Variants in RAP1B observed in about 807,000 individuals in gnomAD.
RAP1B encodes RAP1B, member of RAS oncogene family, also known as ras-related protein Rap-1b.
A neutral mutation model predicts 27.5 loss-of-function variants in RAP1B; 1 was observed. The observed-to-expected ratio is 0.04, with a 90% CI of 0.01 to 0.17. The LOEUF (loss-of-function observed/expected upper bound fraction) is 0.17. RAP1B is among the 10% of genes least tolerant of loss of function. The pLI, the probability that RAP1B is intolerant of heterozygous loss-of-function variation, is 1.00. For missense variants in RAP1B, 84 were observed against 214.8 expected (o/e 0.39, Z 3.81); for synonymous variants, 75 against 73.1 (o/e 1.03, Z -0.13).
chr12:68,648,854 G>A, intron 2 of RAP1B, 73 bp downstream of exon 2: 6 of 1,355,462 alleles, frequency 4.4e-6, no homozygotes, highest in Non-Finnish European at 6.1e-6. Flanking sequence ...AGGTTTTGAT[G>A]ATTTGTCTTT....
In RAP1B at chr12:68,662,244, A is replaced by C. The variant is rs1874641082; in HGVS notation, c.*2995A>C. 6.6e-6 allele frequency: 1 copy of C among 151,806 alleles called. No homozygotes were observed. Among genetic ancestry groups the C allele is most frequent in the Non-Finnish European group, 1.5e-5 (1 of 67,954 alleles). The allele number at this position is 151,806 out of a possible 1,614,324, so 9.4% of individuals were successfully genotyped here. ...GACTTTTCTGGTGCTTAATGGGAAAATACTAAAATAATTGAGTCAGAAAAG... is the reference window on the plus strand; with the variant it reads ...GACTTTTCTGGTGCTTAATGGGAAACTACTAAAATAATTGAGTCAGAAAAG... On this transcript the variant is annotated 3_prime_UTR_variant, in exon 8 of 8. Coordinates refer to ENST00000250559, the MANE Select transcript of RAP1B (RefSeq NM_001010942.3).
intron 1 of RAP1B, among the ~76,000 whole-genome samples, chr12:68,639,622 T>C (rs1010586722): frequency 2.0e-5 from 3 of 152,194 alleles, no homozygotes; most frequent in African/African-American, 7.2e-5. Flanking sequence ...GCTACACAGC[T>C]GAGGAAAAGA....
chr12:68,630,642 T>C (rs951679914), intron 1 of RAP1B, among the ~76,000 whole-genome samples: 1 of 152,040 alleles, frequency 6.6e-6, no homozygotes, highest in African/African-American at 2.4e-5. Context: ...GTTTTGGGGC[T>C]TTTTGCTTTT....
intron 1 of RAP1B, among the ~76,000 whole-genome samples, chr12:68,612,201 A>G (rs1870653683): frequency 6.6e-6 from 1 of 152,230 alleles, no homozygotes; most frequent in Non-Finnish European, 1.5e-5. Flanking sequence ...CATCTCATAT[A>G]TGTCGAGTAC....
At chr12:68,640,077 G>C (rs1481912874) in intron 1 of RAP1B, among the ~76,000 whole-genome samples, 1 of 152,016 alleles carries the variant, frequency 6.6e-6, no homozygotes, top group Non-Finnish European at 1.5e-5. Flanking sequence ...CTGACCTCGT[G>C]ATCCACCCAC....
rs376338570 is a variant in RAP1B, at chr12:68,657,121, G to T, written c.489G>T (p.Arg163=). Residue 163 remains arginine (R), a synonymous_variant, in exon 7 of 8, where the codon CGG becomes CGT. Transcript: ENST00000250559. ...NVNEIFYDLV[R]QINRKTPVPG... is the part of the protein sequence containing the mutation. ...TGCAGATCTTTTATGACCTAGTGCG[G>T]CAAATTAACAGAAAAACTCCAGTGC... The T allele has an allele frequency of 3.1e-6, 5 of 1,613,318 alleles. No individual in the cohort carries two copies. The African/African-American group carries it at 5.3e-5, about 17-fold the overall frequency.
chr12:68,620,036 T>C (rs1449660910), intron 1 of RAP1B, among the ~76,000 whole-genome samples: 2 of 152,238 alleles, frequency 1.3e-5, no homozygotes, highest in East Asian at 3.9e-4. Flanking sequence ...AACTTTTCCA[T>C]AGTAAAGCTG....
At chr12:68,636,295 A>G (rs542554156) in intron 1 of RAP1B, among the ~76,000 whole-genome samples, 3 of 151,794 alleles carry the variant, frequency 2.0e-5, no homozygotes, top group Non-Finnish European at 4.4e-5. Context: ...AATGAGATTT[A>G]AGAAAGAAAT....
intron 1 of RAP1B, among the ~76,000 whole-genome samples, chr12:68,643,467 CT>C (rs1166747495): frequency 3.9e-5 from 6 of 152,132 alleles, no homozygotes; most frequent in Non-Finnish European, 7.4e-5. Context: ...CTATAAAGCA[CT>C]TAAAATATAT....
At chr12:68,631,924 T>A (rs1872263404) in intron 1 of RAP1B, among the ~76,000 whole-genome samples, 1 of 152,176 alleles carries the variant, frequency 6.6e-6, no homozygotes. Context: ...CCAACCATTC[T>A]TGTTTTCCCA....
intron 1 of RAP1B, among the ~76,000 whole-genome samples, chr12:68,615,811 A>T (rs561839819): frequency 6.6e-6 from 1 of 152,142 alleles, no homozygotes; most frequent in Non-Finnish European, 1.5e-5. Context: ...ACACATATAC[A>T]TATATCAGTG....
rs116496076 is a variant in RAP1B at position 68,639,613 on chromosome 12, C to T, written c.-26-9086C>T. On this transcript the variant is annotated intron_variant, in intron 1 of 7. Coordinates refer to ENST00000250559, the MANE Select transcript of RAP1B (RefSeq NM_001010942.3). The stretch of plus-strand genomic sequence containing the variant: ...GCTGCCCTGATCTGTGTTGTTTTTG[C>T]TACACAGCTGAGGAAAAGAGGTACA... Among the ~76,000 whole-genome samples, 476 of 152,224 alleles carry T rather than the reference C, an allele frequency of 3.1e-3. 2 individuals are homozygous for T. Among genetic ancestry groups the T allele is most frequent in the African/African-American group, 0.011 (465 of 41,518 alleles).
intron 1 of RAP1B, among the ~76,000 whole-genome samples, chr12:68,644,331 C>G (rs186078011): frequency 6.6e-6 from 1 of 152,252 alleles, no homozygotes; most frequent in African/African-American, 2.4e-5. Context: ...TGGCTCACGC[C>G]TGTAATCCCA....
rs1281347569 is a variant in RAP1B at position 68,661,345 on chromosome 12, C to T, written c.*2096C>T. The T allele has an allele frequency of 6.6e-6, 1 of 152,232 alleles. No individual in the cohort carries two copies. Among genetic ancestry groups the T allele is most frequent in the East Asian group, 1.9e-4 (1 of 5,180 alleles). 9.4% of individuals were successfully genotyped at this position (152,232 alleles called of 1,614,324 possible). On this transcript the variant is annotated 3_prime_UTR_variant, in exon 8 of 8. Coordinates refer to ENST00000250559, the MANE Select transcript of RAP1B (RefSeq NM_001010942.3). ...TGATACCGCCATTATTCAATAATTA[C>T]TTTTAATAAATGTTTGCTGCCTACC...
At chr12:68,620,859 A>G (rs1055103377) in intron 1 of RAP1B, among the ~76,000 whole-genome samples, 2 of 152,154 alleles carry the variant, frequency 1.3e-5, no homozygotes, top group Non-Finnish European at 2.9e-5. Context: ...AAGTGCTGGG[A>G]TTACAGGAGT....
intron 1 of RAP1B, among the ~76,000 whole-genome samples, chr12:68,617,659 A>G (rs918427370): frequency 3.3e-5 from 5 of 152,168 alleles, no homozygotes; most frequent in African/African-American, 7.2e-5. Flanking sequence ...AAGCTTTCCA[A>G]CCTCCTTGCC....
chr12:68,622,413 T>C (rs1565657946), intron 1 of RAP1B, among the ~76,000 whole-genome samples: 5 of 152,234 alleles, frequency 3.3e-5, no homozygotes. Context: ...CAGTTCCTTA[T>C]CAAGGCCTAG....
chr12:68,661,551 A>G lies in RAP1B; in HGVS notation c.*2302A>G, dbSNP rs1262827969. ...TGAAGAGTTTCTCAGCCTCAGCACT[A>G]TTGATGTTTTATGTTTGATAATGTA... On this transcript the variant is annotated 3_prime_UTR_variant, in exon 8 of 8. Transcript: ENST00000250559. 6.6e-6 allele frequency: 1 copy of G among 151,930 alleles called. No homozygotes were observed. The highest frequency in any genetic ancestry group is 1.5e-5 in the Non-Finnish European group (1 of 68,002). The allele number at this position is 151,930 out of a possible 1,614,324, so 9.4% of individuals were successfully genotyped here. A position where few individuals can be genotyped will look rare whatever the true frequency, so the allele number is the denominator to read the frequency against.
intron 1 of RAP1B, among the ~76,000 whole-genome samples, chr12:68,619,693 CTTCTT>C (rs1184889060): frequency 6.6e-6 from 1 of 152,016 alleles, no homozygotes; most frequent in Non-Finnish European, 1.5e-5. Context: ...TGTTTAATGT[CTTCTT>C]TGATTTATTT....
Sources: gnomAD v4.1 joint callset for allele counts (sites outside exome capture counted in the v4.1 genomes callset) on GRCh38, gnomAD v4.1.1 for gene constraint, MANE v1.5 for transcripts, NCBI Gene and HGNC (gene_info 2026-07-23, HGNC 2026-07-21) for gene names.